The following BABAM2 variants were observed in gnomAD, a reference collection of about 807,000 sequenced individuals.
BABAM2 encodes BRISC and BRCA1-A complex member 2.
A neutral mutation model predicts 54.7 loss-of-function variants in BABAM2; 31 were observed. That is an observed-to-expected ratio of 0.57 (90% CI 0.43 to 0.77). BABAM2 has a LOEUF of 0.77. Ranked by LOEUF, BABAM2 falls within the 30% of genes least tolerant of loss-of-function variation. The pLI, the probability that BABAM2 is intolerant of heterozygous loss-of-function variation, is 0.00. For synonymous variants in BABAM2, 167 were observed against 162.9 expected, an observed-to-expected ratio of 1.03 and a Z score of -0.19; for missense variants, 364 against 455.8, an observed-to-expected ratio of 0.80 and a Z score of 1.83.
At chr2:28,195,595 C>G (rs1677438790) in intron 7 of BABAM2, among the ~76,000 whole-genome samples, 1 of 152,164 alleles carries the variant, frequency 6.6e-6, no homozygotes, top group African/African-American at 2.4e-5. Context: ...GGGCCAGGGT[C>G]TTCAGGTACA....
At chr2:28,289,610 G>A (rs185591226) in intron 10 of BABAM2, among the ~76,000 whole-genome samples, 1 of 152,216 alleles carries the variant, frequency 6.6e-6, no homozygotes, top group African/African-American at 2.4e-5. Flanking sequence ...CCAACATGGT[G>A]AAACCCCATC....
intron 7 of BABAM2, among the ~76,000 whole-genome samples, chr2:28,182,241 G>T (rs140211221): frequency 6.6e-6 from 1 of 152,156 alleles, no homozygotes; most frequent in Admixed American, 6.5e-5. Flanking sequence ...GGAGAATAGC[G>T]TGTGCAGGGA....
chr2:27,954,155 TC>T (rs1439772245), intron 3 of BABAM2, among the ~76,000 whole-genome samples: 5 of 152,202 alleles, frequency 3.3e-5, no homozygotes, highest in Non-Finnish European at 7.3e-5. Flanking sequence ...AGTTAGTTCT[TC>T]CTTTGTACTT....
chr2:28,093,890 A>G (rs1297888284), intron 6 of BABAM2, among the ~76,000 whole-genome samples: 2 of 152,190 alleles, frequency 1.3e-5, no homozygotes. Context: ...AAACGTAAGA[A>G]TCAAACATTA....
chr2:27,908,791 CT>C (rs974501588), intron 2 of BABAM2, among the ~76,000 whole-genome samples: 3 of 152,100 alleles, frequency 2.0e-5, no homozygotes, highest in African/African-American at 7.2e-5. Context: ...TGATTTCCTT[CT>C]TTTTTTATGG....
chr2:28,136,082 G>T (rs1174284878), intron 7 of BABAM2, among the ~76,000 whole-genome samples: 4 of 152,134 alleles, frequency 2.6e-5, no homozygotes, highest in African/African-American at 7.2e-5. Context: ...CGTGTATCCT[G>T]TTGTCCAGCC....
At chr2:28,037,177 A>G (rs920236508) in intron 5 of BABAM2, among the ~76,000 whole-genome samples, 1 of 152,122 alleles carries the variant, frequency 6.6e-6, no homozygotes, top group Admixed American at 6.5e-5. Context: ...TCCTTTGTCC[A>G]CCCAAATCAT....
intron 5 of BABAM2, among the ~76,000 whole-genome samples, chr2:28,042,668 C>A (rs1462728888): frequency 6.6e-6 from 1 of 151,902 alleles, no homozygotes; most frequent in African/African-American, 2.4e-5. Flanking sequence ...GAAATGTAGA[C>A]CTCAAATATA....
At chr2:28,331,717 T>G (rs573686099) in intron 11 of BABAM2, among the ~76,000 whole-genome samples, 5 of 152,318 alleles carry the variant, frequency 3.3e-5, no homozygotes, top group African/African-American at 9.6e-5. Context: ...ACACTGTTGG[T>G]GGGAATGTAA....
chr2:28,024,126 C>G (rs376076600), intron 4 of BABAM2, among the ~76,000 whole-genome samples: 1 of 152,138 alleles, frequency 6.6e-6, no homozygotes, highest in Admixed American at 6.5e-5. Flanking sequence ...TGTCTTTGGC[C>G]GGGCACGGTG....
intron 6 of BABAM2, among the ~76,000 whole-genome samples, chr2:28,118,257 A>G (rs1558354056): frequency 6.6e-6 from 1 of 152,202 alleles, no homozygotes; most frequent in Non-Finnish European, 1.5e-5. Flanking sequence ...TGCTGGGTCA[A>G]ATGGTATCTC....
At chr2:28,054,434 C>T (rs1678237217) in intron 6 of BABAM2, among the ~76,000 whole-genome samples, 1 of 152,068 alleles carries the variant, frequency 6.6e-6, no homozygotes, top group Admixed American at 6.5e-5. Context: ...ATGACGTTAG[C>T]TATTATTATG....
At chr2:28,104,547 T>C (rs867336062) in intron 6 of BABAM2, among the ~76,000 whole-genome samples, 13 of 152,208 alleles carry the variant, frequency 8.5e-5, no homozygotes, top group Admixed American at 2.6e-4. Flanking sequence ...CAACAGGTGC[T>C]GGAGAGGATG....
At chr2:28,124,959 A>G (rs1003318736) in intron 6 of BABAM2, among the ~76,000 whole-genome samples, 2 of 152,240 alleles carry the variant, frequency 1.3e-5, no homozygotes, top group Non-Finnish European at 2.9e-5. Flanking sequence ...GTAAAAAGTC[A>G]AAAAGAGAAA....
At chr2:28,112,128 T>TCTTTCTTTCTTG (rs1668100531) in intron 6 of BABAM2, among the ~76,000 whole-genome samples, 2 of 15,194 alleles carry the variant, frequency 1.3e-4, no homozygotes, top group African/African-American at 5.9e-4. Context: ...TTTCTTTCTT[T>TCTTTCTTTCTTG]CTTTCTTTCT....
At chr2:28,149,584 A>C (rs1434326238) in intron 7 of BABAM2, among the ~76,000 whole-genome samples, 3 of 152,212 alleles carry the variant, frequency 2.0e-5, no homozygotes, top group Non-Finnish European at 4.4e-5. Context: ...CTGGCAGCAG[A>C]TCTGGAGGTA....
intron 4 of BABAM2, among the ~76,000 whole-genome samples, chr2:28,013,727 A>ACACG (rs1674583233): frequency 7.0e-6 from 1 of 141,966 alleles, no homozygotes; most frequent in Admixed American, 6.9e-5. Flanking sequence ...ACACACACAC[A>ACACG]CACGTGTGTG....
intron 6 of BABAM2, among the ~76,000 whole-genome samples, chr2:28,055,882 A>G (rs774307285): frequency 6.6e-6 from 1 of 152,256 alleles, no homozygotes; most frequent in Non-Finnish European, 1.5e-5. Context: ...ACTGTGGTAC[A>G]TATGCATTTT....
intron 3 of BABAM2, among the ~76,000 whole-genome samples, chr2:27,978,481 G>A (rs189070059): frequency 6.6e-6 from 1 of 152,224 alleles, no homozygotes; most frequent in East Asian, 1.9e-4. Flanking sequence ...CTTACTTTTT[G>A]TTGAGACTAT....
Sources: gnomAD v4.1 joint callset for allele counts (sites outside exome capture counted in the v4.1 genomes callset) on GRCh38, gnomAD v4.1.1 for gene constraint, MANE v1.5 for transcripts, NCBI Gene and HGNC (gene_info 2026-07-23, HGNC 2026-07-21) for gene names.